COG8: variants seen among roughly 807,000 people sequenced by gnomAD.
COG8 encodes the protein component of oligomeric golgi complex 8.
In COG8, 45 loss-of-function variants were observed where a neutral mutation model predicts 46.5. The ratio of observed to expected loss-of-function variants is 0.97; its 90% CI spans 0.76 to 1.24. The LOEUF (loss-of-function observed/expected upper bound fraction) is 1.24. COG8 is among the 50% of genes most tolerant of loss of function. The pLI is 0.00. For missense variants in COG8, 793 were observed against 820.8 expected, an observed-to-expected ratio of 0.97 and a Z score of 0.41; for synonymous variants, 407 against 347.8, an observed-to-expected ratio of 1.17 and a Z score of -1.90.
In COG8 at chr16:69,331,143, AC is replaced by A. The variant is rs747868745; in HGVS notation, c.1583-49del. 10 of 1,606,530 alleles carry A rather than the reference AC, an allele frequency of 6.2e-6. No homozygotes were observed. In the South Asian group the frequency reaches 1.0e-4, roughly 16 times the overall value. On this transcript the variant is annotated intron_variant, in intron 4 of 5. Transcript: ENST00000306875. Reference sequence around the variant, plus strand: ...AAAATGGAAAACAGTTACTAATAAAACTCAATATAGAAATTTAAGGGAGGCC... The same window carrying A: ...AAAATGGAAAACAGTTACTAATAAAATCAATATAGAAATTTAAGGGAGGCC...
chr16:69,330,136 C>T lies in COG8; in HGVS notation c.*26+677G>A, dbSNP rs763139919. The T allele has an allele frequency of 2.3e-5, 36 of 1,566,924 alleles. No individual in the cohort carries two copies. Among genetic ancestry groups the T allele is most frequent in the Non-Finnish European group, 2.9e-5 (34 of 1,160,046 alleles). On this transcript the variant is annotated intron_variant, in intron 5 of 5. Transcript: ENST00000306875. ...CGAACACGCGCAGGGGGAAGGGCTC[C>T]ATTTGGCGGAGCGCGCGCTGGCGGG... is the stretch of plus-strand genomic sequence containing the variant.
At chr16:69,329,895 G>A (rs1965731449) in intron 5 of COG8, 1 of 1,345,098 alleles carries the variant, frequency 7.4e-7, no homozygotes, top group African/African-American at 1.5e-5. Flanking sequence ...CGCTCCTGCG[G>A]GAGGTCCGGC....
rs969676385 is a variant in COG8, at chr16:69,327,715, A to G, written c.*1491T>C. 3 of 152,302 alleles carry G rather than the reference A, an allele frequency of 2.0e-5. No individual in the cohort carries two copies. The allele number at this position is 152,302 out of a possible 1,614,324, so 9.4% of individuals were successfully genotyped here. On this transcript the variant is annotated 3_prime_UTR_variant, in exon 6 of 6. Coordinates refer to ENST00000306875, the MANE Select transcript of COG8 (RefSeq NM_032382.5). ...GCATAAAAATGAGGTGAAACAGTTTAACTAAAACTGGAGTTTGGCTGGGTA... is the reference window on the plus strand; with the variant it reads ...GCATAAAAATGAGGTGAAACAGTTTGACTAAAACTGGAGTTTGGCTGGGTA...
intron 1 of COG8, 53 bp downstream of exon 1, chr16:69,339,123 T>C (rs576701002): frequency 6.2e-7 from 1 of 1,611,930 alleles, no homozygotes; most frequent in East Asian, 2.2e-5. Flanking sequence ...TCTACCATCG[T>C]AAATGTCAGC....
intron 5 of COG8, chr16:69,330,153 G>T: frequency 6.5e-7 from 1 of 1,545,526 alleles, no homozygotes; most frequent in Non-Finnish European, 8.7e-7. Context: ...CGGAGCGCGC[G>T]CTGGCGGGGC....
intron 2 of COG8, among the ~76,000 whole-genome samples, chr16:69,335,928 C>T (rs2012182619): frequency 6.6e-6 from 1 of 152,164 alleles, no homozygotes; most frequent in Admixed American, 6.6e-5. Flanking sequence ...ACCTGGCTCT[C>T]CATCTTCACC....
Position 69,328,942 on chromosome 16 carries a change from T to C in COG8, c.*264A>G. 1.3e-6 allele frequency: 2 copies of C among 1,540,040 alleles called. No individual in the cohort carries two copies. The highest frequency in any genetic ancestry group is 1.2e-5 in the South Asian group (1 of 82,296). On this transcript the variant is annotated 3_prime_UTR_variant, in exon 6 of 6. Transcript: ENST00000306875. ...GTCATATGCGAGCCATCCAAGTTGA[T>C]GCCAAGTAAGATTTGCCCAGCTCAA...
chr16:69,330,569 A>C (rs920637612), intron 5 of COG8: 276 of 1,459,450 alleles, frequency 1.9e-4, no homozygotes, highest in Non-Finnish European at 2.4e-4. Context: ...CAGCCGGGCC[A>C]TGGCGGCCCC....
chr16:69,336,665 T>C lies in COG8; in HGVS notation c.425A>G (p.Asn142Ser), dbSNP rs968235814. ...AEEISSNRRM[N>S]SLTLNRHTEI... ...TGTGTGCCGGTTTAGGGTCAGGCTA[T>C]TCATCCGGCGGTTGGAGCTGATCTC... The change falls in exon 2 of 6, where the codon AAT becomes AGT. Residue 142 changes from asparagine (N) to serine (S), a missense_variant. Transcript: ENST00000306875. The C allele has an allele frequency of 1.2e-6, 2 of 1,614,134 alleles. No individual in the cohort carries two copies. The highest frequency in any genetic ancestry group is 1.7e-6 in the Non-Finnish European group (2 of 1,180,024).
chr16:69,329,347 G>A (rs1269622253), intron 5 of COG8, among the ~76,000 whole-genome samples, 168 bp from the exon 6 acceptor site: 4 of 152,164 alleles, frequency 2.6e-5, no homozygotes, highest in Admixed American at 2.0e-4. Context: ...CCTCATCTCG[G>A]TCCATTACCA....
Position 69,328,728 on chromosome 16 carries a change from T to A in COG8, c.*478A>T. 1 of 372,374 alleles carries A rather than the reference T, an allele frequency of 2.7e-6. No individual in the cohort carries two copies. Among genetic ancestry groups the A allele is most frequent in the South Asian group, 3.1e-5 (1 of 31,906 alleles). 23.1% of individuals were successfully genotyped at this position (372,374 alleles called of 1,614,324 possible). ...AGATTATACAGGTCCGAGGAACTCGTGTCTACTGCAGACGAATGCAATTAC... is the reference window on the plus strand; with the variant it reads ...AGATTATACAGGTCCGAGGAACTCGAGTCTACTGCAGACGAATGCAATTAC... On this transcript the variant is annotated 3_prime_UTR_variant, in exon 6 of 6. Coordinates refer to ENST00000306875, the MANE Select transcript of COG8 (RefSeq NM_032382.5).
At chr16:69,331,366 T>C (rs2011819146) in intron 4 of COG8, among the ~76,000 whole-genome samples, 2 of 141,914 alleles carry the variant, frequency 1.4e-5, no homozygotes, top group Admixed American at 1.5e-4. Context: ...GGCAGGAGAA[T>C]CGCTTGAACC....
At chr16:69,330,351 C>A in intron 5 of COG8, 1 of 1,473,714 alleles carries the variant, frequency 6.8e-7, no homozygotes, top group Non-Finnish European at 8.9e-7. Context: ...CCGCGCAGCA[C>A]CGGGTCCCCG....
In COG8 at chr16:69,330,908, G is replaced by A. The variant is rs1567429844; in HGVS notation, c.1770C>T (p.Pro590=). ...EPPAEEPRLE[P]AGPACPEGGR... ...CTCCCTCCGGGCAGGCTGGGCCCGC[G>A]GGCTCCAGGCGTGGCTCCTCGGCGG... The change falls in exon 5 of 6, where the codon CCC becomes CCT. Residue 590 remains proline (P), a synonymous_variant. Coordinates refer to ENST00000306875, the MANE Select transcript of COG8 (RefSeq NM_032382.5). The A allele has an allele frequency of 1.1e-5, 17 of 1,554,140 alleles. No individual in the cohort carries two copies. Among genetic ancestry groups the A allele is most frequent in the Non-Finnish European group, 1.4e-5 (16 of 1,148,964 alleles).
chr16:69,330,278 C>A, intron 5 of COG8: 1 of 1,435,022 alleles, frequency 7.0e-7, no homozygotes, highest in Admixed American at 3.0e-5. Flanking sequence ...CTGGACCAGC[C>A]GTTGCGTCAG....
intron 5 of COG8, 158 bp downstream of exon 5, chr16:69,330,655 C>G (rs1395717798): frequency 3.6e-6 from 5 of 1,404,478 alleles, no homozygotes; most frequent in African/African-American, 1.5e-5. Context: ...CAGCACACAG[C>G]GAAGCCGCGA....
In COG8 at chr16:69,326,977, A is replaced by AT. The variant is rs1567426952; in HGVS notation, c.*2228dup. The AT allele has an allele frequency of 6.6e-6, 1 of 152,190 alleles. No individual in the cohort carries two copies. The highest frequency in any genetic ancestry group is 1.5e-5 in the Non-Finnish European group (1 of 68,048). 9.4% of individuals were successfully genotyped at this position (152,190 alleles called of 1,614,324 possible). A position where few individuals can be genotyped will look rare whatever the true frequency, so the allele number is the denominator to read the frequency against. On this transcript the variant is annotated 3_prime_UTR_variant, in exon 6 of 6. Coordinates refer to ENST00000306875, the MANE Select transcript of COG8 (RefSeq NM_032382.5). ...ACAAAAGCGTTAACCTCAGAAAGCT[A>AT]TAAGAAGCATCAAAAGATTGCCATA...
At chr16:69,332,600 T>C (rs992575371) in intron 4 of COG8, 114 bp downstream of exon 4, 1 of 1,040,940 alleles carries the variant, frequency 9.6e-7, no homozygotes, top group Non-Finnish European at 1.5e-6. Flanking sequence ...GATGGAAATA[T>C]TCTAAAATTG....
rs1965655651 is a variant in COG8 at position 69,327,979 on chromosome 16, C to T, written c.*1227G>A. 6.6e-6 allele frequency: 1 copy of T among 151,492 alleles called. No individual in the cohort carries two copies. Among genetic ancestry groups the T allele is most frequent in the African/African-American group, 2.4e-5 (1 of 41,386 alleles). 9.4% of individuals were successfully genotyped at this position (151,492 alleles called of 1,614,324 possible). A position where few individuals can be genotyped will look rare whatever the true frequency, so the allele number is the denominator to read the frequency against. On this transcript the variant is annotated 3_prime_UTR_variant, in exon 6 of 6. Transcript: ENST00000306875. ...CAGAATCATACTTTTGAGTCTCGCT[C>T]TGTCGCCCAGGCTGGATGGAGTGCA...
Sources: allele counts gnomAD v4.1 joint callset (sites outside exome capture counted in the v4.1 genomes callset), GRCh38; gene constraint gnomAD v4.1.1; transcripts MANE v1.5; gene names NCBI Gene and HGNC (gene_info 2026-07-23, HGNC 2026-07-21).